Variants in GDAP1 observed in about 807,000 individuals in gnomAD.
GDAP1 encodes ganglioside induced differentiation associated protein 1.
A neutral mutation model predicts 40.1 loss-of-function variants in GDAP1; 34 were observed. That is an observed-to-expected ratio of 0.85 (90% CI 0.64 to 1.13). The LOEUF (loss-of-function observed/expected upper bound fraction) is 1.13, where lower values mean the gene tolerates loss of function less well. Ranked by LOEUF, GDAP1 falls within the 50% of genes most tolerant of loss-of-function variation. The pLI is 0.00. For missense variants in GDAP1, 374 were observed against 433.7 expected (o/e 0.86, Z 1.22); for synonymous variants, 170 against 157.4 (o/e 1.08, Z -0.60).
chr8:74,427,389 A>G (rs1430093512), intron 2 of GDAP1, among the ~76,000 whole-genome samples: 1 of 152,208 alleles, frequency 6.6e-6, no homozygotes, highest in African/African-American at 2.4e-5. Flanking sequence ...TTAAGCTGCC[A>G]ATTTTTGGGA....
intron 2 of GDAP1, among the ~76,000 whole-genome samples, chr8:74,483,359 AT>A: frequency 6.6e-6 from 1 of 152,138 alleles, no homozygotes; most frequent in East Asian, 1.9e-4. Context: ...TACACAGACT[AT>A]TAGGTTGGTG....
intron 2 of GDAP1, among the ~76,000 whole-genome samples, chr8:74,380,664 G>A (rs370739039): frequency 1.3e-5 from 2 of 151,736 alleles, no homozygotes; most frequent in Non-Finnish European, 2.9e-5. Flanking sequence ...AGTTTTTTTT[G>A]GTAGTTCAGG....
chr8:74,427,154 G>A (rs78988782), intron 2 of GDAP1, among the ~76,000 whole-genome samples: 2,429 of 152,282 alleles, frequency 0.016, 29 homozygotes, highest in Non-Finnish European at 0.023. Context: ...TTGTGAAGAA[G>A]CCTGTATTGG....
At chr8:74,461,532 C>T (rs991385292) in intron 2 of GDAP1, among the ~76,000 whole-genome samples, 2 of 152,164 alleles carry the variant, frequency 1.3e-5, no homozygotes, top group African/African-American at 4.8e-5. Flanking sequence ...TGTTCATATG[C>T]TGCCAAAAAA....
At position 74,423,479 on chromosome 8, in the gene GDAP1, T is replaced by C. The variant is rs1805908420; in HGVS notation, c.166-65199T>C. Among the ~76,000 whole-genome samples the C allele has an allele frequency of 2.0e-5, 3 of 150,324 alleles. No homozygotes were observed. The South Asian group carries it at 6.3e-4, about 31-fold the overall frequency. On this transcript the variant is annotated intron_variant, in intron 2 of 2. Transcript: ENST00000523640. ...TATATGCTGTTTTACACAGATTGGG[T>C]GTTCAAAAAATATGTGATAGATGAA...
At position 74,405,181 on chromosome 8, in the gene GDAP1, G is replaced by C. The variant is rs117741653; in HGVS notation, c.165+53860G>C. On this transcript the variant is annotated intron_variant, in intron 2 of 2. Coordinates refer to the GDAP1 transcript ENST00000523640. Reference sequence around the variant, plus strand: ...CATGGTGGCAGGTAAGAGAGCTTGTGCAGGGAGAACTCCCATTTATAAAAC... The same window carrying C: ...CATGGTGGCAGGTAAGAGAGCTTGTCCAGGGAGAACTCCCATTTATAAAAC... Among the ~76,000 whole-genome samples the C allele has an allele frequency of 6.4e-3, 963 of 149,920 alleles. 17 individuals are homozygous for C. The highest frequency in any genetic ancestry group is 8.4e-3 in the Non-Finnish European group (572 of 68,020).
intron 2 of GDAP1, among the ~76,000 whole-genome samples, chr8:74,484,192 T>C (rs953466361): frequency 7.2e-5 from 11 of 152,208 alleles, no homozygotes; most frequent in Admixed American, 3.9e-4. Context: ...AGTTATATTA[T>C]AAAATTATAC....
intron 2 of GDAP1, among the ~76,000 whole-genome samples, chr8:74,453,051 A>G (rs4596650): frequency 1 from 81,067 of 81,204 alleles, 40,525 homozygotes; most frequent in Non-Finnish European, 1. Flanking sequence ...CCTGGAACAG[A>G]CTATGCATAA....
intron 2 of GDAP1, among the ~76,000 whole-genome samples, chr8:74,402,521 C>T (rs1810364565): frequency 6.7e-6 from 1 of 150,360 alleles, no homozygotes; most frequent in African/African-American, 2.5e-5. Flanking sequence ...TGAGGCAATG[C>T]CTCGCCCTGC....
In GDAP1 at chr8:74,364,552, A is replaced by C. The variant is rs1356082652; in HGVS notation, c.*185A>C. 1 of 706,162 alleles carries C rather than the reference A, an allele frequency of 1.4e-6. No individual in the cohort carries two copies. Among genetic ancestry groups the C allele is most frequent in the Admixed American group, 2.0e-5 (1 of 49,834 alleles). The allele number at this position is 706,162 out of a possible 1,614,324, so 43.7% of individuals were successfully genotyped here. ...AGGACACAAAATTGCTTTATTCTAC[A>C]ACTGCCAGCTCCAGGCAGAAATAGG... On this transcript the variant is annotated 3_prime_UTR_variant, in exon 6 of 6. Transcript: ENST00000220822.
intron 2 of GDAP1, among the ~76,000 whole-genome samples, chr8:74,444,089 A>G (rs1806198862): frequency 6.6e-6 from 1 of 151,824 alleles, no homozygotes; most frequent in Non-Finnish European, 1.5e-5. Flanking sequence ...GTTTAGATAG[A>G]AAAAAATTAC....
At chr8:74,486,403 G>A (rs551922628) in intron 2 of GDAP1, among the ~76,000 whole-genome samples, 1 of 152,264 alleles carries the variant, frequency 6.6e-6, no homozygotes, top group African/African-American at 2.4e-5. Flanking sequence ...TCCTTCACAT[G>A]TCTAGCTCTC....
At chr8:74,356,530 T>G (rs1441524661) in intron 2 of GDAP1, among the ~76,000 whole-genome samples, 2 of 151,498 alleles carry the variant, frequency 1.3e-5, no homozygotes, top group Admixed American at 6.6e-5. Flanking sequence ...GGTCTTTTTG[T>G]TTTTTTTCTT....
chr8:74,359,368 A>G (rs896451694), intron 2 of GDAP1, among the ~76,000 whole-genome samples: 11 of 152,246 alleles, frequency 7.2e-5, no homozygotes, highest in Non-Finnish European at 1.3e-4. Flanking sequence ...TGGGGATTTA[A>G]CAGAGAGCAG....
At chr8:74,375,773 T>A (rs1809842576) in intron 2 of GDAP1, among the ~76,000 whole-genome samples, 1 of 152,122 alleles carries the variant, frequency 6.6e-6, no homozygotes, top group African/African-American at 2.4e-5. Context: ...TCCCATGGAG[T>A]AATAGCCAGT....
At chr8:74,363,768 C>T (rs1809484464) in intron 5 of GDAP1, among the ~76,000 whole-genome samples, 2 of 152,164 alleles carry the variant, frequency 1.3e-5, no homozygotes, top group African/African-American at 2.4e-5. Context: ...TGACAGACGT[C>T]AAGCAAGTCT....
intron 2 of GDAP1, among the ~76,000 whole-genome samples, chr8:74,417,757 C>CAAAA (rs71269993): frequency 5.3e-5 from 4 of 75,904 alleles, no homozygotes; most frequent in African/African-American, 1.7e-4. Context: ...AACTCCATCT[C>CAAAA]AAAAAAAAAA....
chr8:74,372,894 T>C (rs1809779335), intron 2 of GDAP1, among the ~76,000 whole-genome samples: 1 of 152,182 alleles, frequency 6.6e-6, no homozygotes, highest in African/African-American at 2.4e-5. Flanking sequence ...GTTTTTATGG[T>C]TTTAGGTCTA....
At chr8:74,431,408 A>G (rs1022956582) in intron 2 of GDAP1, among the ~76,000 whole-genome samples, 1 of 152,166 alleles carries the variant, frequency 6.6e-6, no homozygotes, top group African/African-American at 2.4e-5. Flanking sequence ...GGACTTAAGT[A>G]ATGAATATTA....
Sources: gnomAD v4.1 joint callset for allele counts (sites outside exome capture counted in the v4.1 genomes callset) on GRCh38, gnomAD v4.1.1 for gene constraint, MANE v1.5 for transcripts, NCBI Gene and HGNC (gene_info 2026-07-23, HGNC 2026-07-21) for gene names.